The following EDDM13 variants were observed in gnomAD, a reference collection of about 807,000 sequenced individuals.
EDDM13 encodes the protein epididymal protein 13.
EDDM13 carries 24 observed loss-of-function variants against 17.8 expected under a neutral mutation model. The observed-to-expected ratio is 1.35, with a 90% confidence interval of 0.98 to 1.90. The LOEUF (loss-of-function observed/expected upper bound fraction) is 1.90. EDDM13 is among the 40% of genes most tolerant of loss of function. The pLI, the probability that EDDM13 is intolerant of heterozygous loss-of-function variation, is 0.00. For missense variants in EDDM13, 97 were observed against 100.8 expected (o/e 0.96, Z 0.16); for synonymous variants, 31 against 37.5 (o/e 0.83, Z 0.63).
intron 13 of EDDM13, among the ~76,000 whole-genome samples, chr19:56,302,604 TTCCTCTCCCTCTTCC>T (rs1409290330): frequency 3.2e-4 from 19 of 60,192 alleles, no homozygotes; most frequent in East Asian, 7.3e-4. Flanking sequence ...CTCCCTCTTC[TTCCTCTCCCTCTTCC>T]TCCCTCCCTC....
At chr19:56,278,768 G>A (rs528744815) in intron 2 of EDDM13, among the ~76,000 whole-genome samples, 11 of 152,198 alleles carry the variant, frequency 7.2e-5, no homozygotes, top group Non-Finnish European at 1.3e-4. Flanking sequence ...TGGCCTGGGA[G>A]CTCAGGGAGC....
chr19:56,276,381 A>G (rs2038254408), intron 2 of EDDM13, among the ~76,000 whole-genome samples: 2 of 152,020 alleles, frequency 1.3e-5, no homozygotes, highest in Non-Finnish European at 2.9e-5. Context: ...GGGAAGAGAG[A>G]CTTCGGGCAG....
chr19:56,295,228 C>T (rs2039787350), intron 9 of EDDM13: 1 of 152,070 alleles, frequency 6.6e-6, no homozygotes, highest in Non-Finnish European at 1.5e-5. Context: ...CAGAAAACAA[C>T]AACGGGTGGT....
chr19:56,284,215 C>G lies in EDDM13; in HGVS notation c.127+9C>G, dbSNP rs762154577. On this transcript the variant is annotated intron_variant, in intron 5 of 14. Transcript: ENST00000649256. ...GCCATCAGGGATCATAGGTAAGTAC[C>G]TTGCCACTTCACAATGCCCCCAGAC... 1.0e-4 allele frequency: 98 copies of G among 982,870 alleles called. No homozygotes were observed. The highest frequency in any genetic ancestry group is 3.1e-4 in the Admixed American group (5 of 16,254). 60.9% of individuals were successfully genotyped at this position (982,870 alleles called of 1,614,324 possible). A position where few individuals can be genotyped will look rare whatever the true frequency, so the allele number is the denominator to read the frequency against.
intron 2 of EDDM13, among the ~76,000 whole-genome samples, chr19:56,281,440 T>C (rs1356880509): frequency 6.6e-6 from 1 of 152,156 alleles, no homozygotes; most frequent in Admixed American, 6.5e-5. Flanking sequence ...TAAAGAAGGG[T>C]TTCTAACACT....
intron 2 of EDDM13, 64 bp from the exon 3 acceptor site, chr19:56,281,629 T>C (rs960535927): frequency 7.8e-6 from 7 of 895,496 alleles, no homozygotes; most frequent in Non-Finnish European, 8.0e-6. Context: ...TAATATTAAT[T>C]CCACTCTCTT....
chr19:56,278,337 T>G (rs2038423705), intron 2 of EDDM13, among the ~76,000 whole-genome samples: 1 of 152,224 alleles, frequency 6.6e-6, no homozygotes, highest in Admixed American at 6.5e-5. Context: ...TTTCACCATG[T>G]TGGCCAGGCT....
chr19:56,273,860 A>AGT (rs1191370586), intron 1 of EDDM13, among the ~76,000 whole-genome samples: 1 of 151,958 alleles, frequency 6.6e-6, no homozygotes, highest in Non-Finnish European at 1.5e-5. Context: ...CATATTTAGG[A>AGT]GCGTGTGTGT....
chr19:56,300,816 G>GA (rs1403393516), intron 12 of EDDM13, among the ~76,000 whole-genome samples: 2 of 152,064 alleles, frequency 1.3e-5, no homozygotes, highest in Non-Finnish European at 2.9e-5. Context: ...AAAAAAATGA[G>GA]ATTTTCTGAA....
intron 13 of EDDM13, among the ~76,000 whole-genome samples, chr19:56,303,807 C>T (rs1041951467): frequency 4.2e-5 from 5 of 119,938 alleles, no homozygotes; most frequent in Non-Finnish European, 8.2e-5. Context: ...CAGCCTTCCC[C>T]GGGCAGGTAA....
intron 12 of EDDM13, chr19:56,298,252 T>C (rs1296480832): frequency 2.0e-5 from 3 of 152,052 alleles, no homozygotes; most frequent in Non-Finnish European, 2.9e-5. Flanking sequence ...AAGGTGATCA[T>C]TGGAGAAACT....
intron 9 of EDDM13, among the ~76,000 whole-genome samples, chr19:56,291,436 C>T (rs1440828043): frequency 6.6e-6 from 1 of 152,200 alleles, no homozygotes; most frequent in Non-Finnish European, 1.5e-5. Flanking sequence ...CCCAGCCTAT[C>T]GCATTAATCT....
At position 56,301,955 on chromosome 19, in the gene EDDM13, C is replaced by A; in HGVS notation, c.296-13C>A. ...AGGCCATCAGCATCAATCATCTCCA[C>A]GGTTCTCTCCAGTTAAACCCTTCTC... On this transcript the variant is annotated splice_polypyrimidine_tract_variant and intron_variant, in intron 12 of 14. Coordinates refer to ENST00000649256, the MANE Select transcript of EDDM13 (RefSeq NM_001354658.2). The A allele has an allele frequency of 8.1e-7, 1 of 1,232,052 alleles. No homozygotes were observed. Among genetic ancestry groups the A allele is most frequent in the Non-Finnish European group, 1.0e-6 (1 of 988,188 alleles). 76.3% of individuals were successfully genotyped at this position (1,232,052 alleles called of 1,614,324 possible).
chr19:56,279,558 G>GTT (rs1277668438), intron 2 of EDDM13, among the ~76,000 whole-genome samples: 3 of 152,158 alleles, frequency 2.0e-5, no homozygotes, highest in African/African-American at 7.2e-5. Flanking sequence ...TTTCAAAATC[G>GTT]TAAGTGTCCC....
rs181263732 is a variant in EDDM13 at position 56,292,440 on chromosome 19, T to G, written c.232+1594T>G. 1.5e-4 allele frequency among the ~76,000 whole-genome samples: 20 copies of G among 136,190 alleles called. No individual in the cohort carries two copies. The East Asian group carries it at 3.2e-3, about 22-fold the overall frequency. The allele number at this position is 136,190 out of a possible 152,430, so 89.3% of individuals were successfully genotyped here. A position where few individuals can be genotyped will look rare whatever the true frequency, so the allele number is the denominator to read the frequency against. ...ATCACACCTAGCTAATTATTTTTGG[T>G]TTTTTTGTCTGTTTTTACTTTTTTT... On this transcript the variant is annotated intron_variant, in intron 9 of 14. Transcript: ENST00000649256.
At chr19:56,295,409 C>T (rs149481463) in intron 9 of EDDM13, among the ~76,000 whole-genome samples, 154 of 152,116 alleles carry the variant, frequency 1.0e-3, no homozygotes, top group African/African-American at 3.4e-3. Flanking sequence ...GCCTGGCCAA[C>T]GTGGTGAAAC....
chr19:56,297,429 C>G, intron 11 of EDDM13, 76 bp from the exon 12 acceptor site: 1 of 485,768 alleles, frequency 2.1e-6, no homozygotes, highest in Non-Finnish European at 2.7e-6. Context: ...CTCCCTCCCT[C>G]TCTCCCTCCC....
Position 56,288,875 on chromosome 19 carries a change from T to C in EDDM13, c.210T>C (p.Asp70=), listed in dbSNP as rs868721144. Among the ~76,000 whole-genome samples the C allele has an allele frequency of 2.6e-5, 4 of 152,154 alleles. No homozygotes were observed. The highest frequency in any genetic ancestry group is 7.2e-5 in the African/African-American group (3 of 41,436). ...LKMPPLVSPQ[D]RTEEEIKKIL... is the part of the protein sequence containing the mutation. Reference sequence around the variant, plus strand: ...GGCTGCCTACATTCTAGCCTCCAGATAGGACAGAAGAAGAAAGTAAGTACT... The same window carrying C: ...GGCTGCCTACATTCTAGCCTCCAGACAGGACAGAAGAAGAAAGTAAGTACT... Residue 70 remains aspartate, a splice_region_variant and synonymous_variant, in exon 8 of 15, where the codon GAT becomes GAC. Coordinates refer to ENST00000649256, the MANE Select transcript of EDDM13 (RefSeq NM_001354658.2).
intron 11 of EDDM13, 127 bp from the exon 12 acceptor site, chr19:56,297,378 C>G (rs1327310906): frequency 1.2e-5 from 2 of 167,400 alleles, no homozygotes; most frequent in Non-Finnish European, 2.4e-5. Context: ...CTCTTCCTCC[C>G]TCCCTCTCTC....
Sources: allele counts gnomAD v4.1 joint callset (sites outside exome capture counted in the v4.1 genomes callset), GRCh38; gene constraint gnomAD v4.1.1; transcripts MANE v1.5; gene names NCBI Gene and HGNC (gene_info 2026-07-23, HGNC 2026-07-21).